PDGFC: variants seen among roughly 807,000 people sequenced by gnomAD.
PDGFC encodes the protein platelet derived growth factor C.
Under a neutral mutation model 35.5 loss-of-function variants are expected in PDGFC, and 12 were observed. The ratio of observed to expected loss-of-function variants is 0.34; its 90% CI spans 0.22 to 0.55. The LOEUF is 0.55. Among genes scored for constraint, PDGFC ranks in the 20% least tolerant of loss-of-function variants. PDGFC has a pLI of 0.91. For synonymous variants in PDGFC, 159 were observed against 148.8 expected (o/e 1.07, Z -0.50); for missense variants, 322 against 412.4 (o/e 0.78, Z 1.90).
intron 2 of PDGFC, among the ~76,000 whole-genome samples, chr4:156,820,288 G>A (rs1480729437): frequency 6.6e-6 from 1 of 152,120 alleles, no homozygotes; most frequent in East Asian, 1.9e-4. Flanking sequence ...TGGGTAAAAG[G>A]CTAGCAAATA....
intron 1 of PDGFC, among the ~76,000 whole-genome samples, chr4:156,898,008 C>T (rs545355317): frequency 1.1e-3 from 166 of 152,298 alleles, no homozygotes; most frequent in Admixed American, 1.2e-3. Context: ...AGGCAGAATT[C>T]TATAGACTGA....
chr4:156,882,853 G>A (rs1730276023), intron 1 of PDGFC, among the ~76,000 whole-genome samples: 1 of 152,092 alleles, frequency 6.6e-6, no homozygotes, highest in Non-Finnish European at 1.5e-5. Flanking sequence ...GGGAGGCCAA[G>A]GCAGGCAGAT....
At chr4:156,904,103 C>A (rs1368446954) in intron 1 of PDGFC, among the ~76,000 whole-genome samples, 1 of 152,042 alleles carries the variant, frequency 6.6e-6, no homozygotes, top group Admixed American at 6.6e-5. Flanking sequence ...TTACAGCATA[C>A]AATTTACAGA....
intron 3 of PDGFC, among the ~76,000 whole-genome samples, chr4:156,794,797 A>C (rs1342422724): frequency 6.6e-6 from 1 of 152,136 alleles, no homozygotes; most frequent in Non-Finnish European, 1.5e-5. Flanking sequence ...AATATATTAA[A>C]TATCAACATT....
At chr4:156,792,882 G>T (rs1390604731) in intron 3 of PDGFC, among the ~76,000 whole-genome samples, 1 of 152,044 alleles carries the variant, frequency 6.6e-6, no homozygotes, top group Non-Finnish European at 1.5e-5. Context: ...AGGGTATGAA[G>T]GAAACCCTCA....
chr4:156,962,874 T>C (rs545038915), intron 1 of PDGFC, among the ~76,000 whole-genome samples: 1 of 152,224 alleles, frequency 6.6e-6, no homozygotes, highest in Non-Finnish European at 1.5e-5. Flanking sequence ...TATTAAGCAA[T>C]GCAAAACTAG....
rs1472223446 is a variant in PDGFC, at chr4:156,891,605, G to A, written c.119-41189C>T. On this transcript the variant is annotated intron_variant, in intron 1 of 5. Transcript: ENST00000502773. ...TCCTGAAAGTCTTAGGAAGTGCTTTGAGAAACAGTGTTTTCCACCTTGCCA... is the reference window on the plus strand; with the variant it reads ...TCCTGAAAGTCTTAGGAAGTGCTTTAAGAAACAGTGTTTTCCACCTTGCCA... 9.2e-5 allele frequency among the ~76,000 whole-genome samples: 14 copies of A among 152,134 alleles called. 1 individual carries two copies. The highest frequency in any genetic ancestry group is 2.9e-5 in the Non-Finnish European group (2 of 68,022).
chr4:156,782,361 C>T (rs1731004493), intron 3 of PDGFC, among the ~76,000 whole-genome samples: 1 of 152,136 alleles, frequency 6.6e-6, no homozygotes. Flanking sequence ...AGGATTTCAA[C>T]TCTGAGGCCC....
At chr4:156,851,613 T>C (rs753742211) in intron 1 of PDGFC, among the ~76,000 whole-genome samples, 2 of 151,784 alleles carry the variant, frequency 1.3e-5, no homozygotes, top group Non-Finnish European at 2.9e-5. Context: ...CTCCAAAAAA[T>C]GTAAGAACTA....
At chr4:156,806,568 C>T (rs1731776159) in intron 3 of PDGFC, among the ~76,000 whole-genome samples, 1 of 151,660 alleles carries the variant, frequency 6.6e-6, no homozygotes, top group Non-Finnish European at 1.5e-5. Context: ...TAGCACTGTA[C>T]TCAAGAAGAA....
At chr4:156,959,986 T>A (rs1328822201) in intron 1 of PDGFC, among the ~76,000 whole-genome samples, 1 of 151,932 alleles carries the variant, frequency 6.6e-6, no homozygotes, top group Non-Finnish European at 1.5e-5. Flanking sequence ...GATGACTTAA[T>A]CACTAATTTT....
intron 1 of PDGFC, among the ~76,000 whole-genome samples, chr4:156,892,546 T>C (rs1730539330): frequency 6.6e-6 from 1 of 152,138 alleles, no homozygotes; most frequent in African/African-American, 2.4e-5. Context: ...TCCTAATCTT[T>C]GATGAATGGT....
chr4:156,848,935 G>A (rs944557479), intron 2 of PDGFC, among the ~76,000 whole-genome samples: 2 of 151,960 alleles, frequency 1.3e-5, no homozygotes, highest in Non-Finnish European at 2.9e-5. Context: ...TTGTAATGAA[G>A]TCCTTTGTCT....
intron 3 of PDGFC, among the ~76,000 whole-genome samples, chr4:156,783,880 A>G (rs2110856135): frequency 6.6e-6 from 1 of 152,342 alleles, no homozygotes; most frequent in Non-Finnish European, 1.5e-5. Flanking sequence ...TGACCATGGT[A>G]GAACCAACAG....
chr4:156,949,263 AAC>A (rs1732022055), intron 1 of PDGFC, among the ~76,000 whole-genome samples: 1 of 151,990 alleles, frequency 6.6e-6, no homozygotes, highest in Non-Finnish European at 1.5e-5. Context: ...TATTCTGAAT[AAC>A]AGAGAGAAGT....
At chr4:156,897,350 A>ATGTGTGTG (rs70956698) in intron 1 of PDGFC, among the ~76,000 whole-genome samples, 9,465 of 142,980 alleles carry the variant, frequency 0.066, 348 homozygotes, top group Admixed American at 0.075. Context: ...GTGAGAGTGT[A>ATGTGTGTG]TGTGTGTGTG....
chr4:156,761,415 T>C lies in PDGFC; in HGVS notation c.*1675A>G, dbSNP rs1247059490. On this transcript the variant is annotated 3_prime_UTR_variant, in exon 6 of 6. Transcript: ENST00000502773. ...GGTGAAACTTAAATTACCAGAAATC[T>C]GTATTAAGACCAGTAAGAAAAATAA... The C allele has an allele frequency of 6.6e-6, 1 of 152,190 alleles. No homozygotes were observed. Among genetic ancestry groups the C allele is most frequent in the African/African-American group, 2.4e-5 (1 of 41,440 alleles). The allele number at this position is 152,190 out of a possible 1,614,324, so 9.4% of individuals were successfully genotyped here. A position where few individuals can be genotyped will look rare whatever the true frequency, so the allele number is the denominator to read the frequency against.
At chr4:156,829,243 G>T (rs1388651665) in intron 2 of PDGFC, among the ~76,000 whole-genome samples, 1 of 152,144 alleles carries the variant, frequency 6.6e-6, no homozygotes, top group Non-Finnish European at 1.5e-5. Context: ...GAAATGGATT[G>T]TTGAACGAGG....
chr4:156,971,419 C>A lies in PDGFC; in HGVS notation c.-516G>T. On this transcript the variant is annotated 5_prime_UTR_variant, in exon 1 of 6. Transcript: ENST00000502773. ...CGCCCCTCTCCCCCGCCCCACCCCC[C>A]ACCCCCGAAGGGGGAGGGGGAAGAA... is the stretch of plus-strand genomic sequence containing the variant. The A allele has an allele frequency of 5.2e-6, 2 of 386,746 alleles. No individual in the cohort carries two copies. The highest frequency in any genetic ancestry group is 1.3e-4 in the South Asian group (1 of 7,588). The allele number at this position is 386,746 out of a possible 1,614,324, so 24.0% of individuals were successfully genotyped here. A position where few individuals can be genotyped will look rare whatever the true frequency, so the allele number is the denominator to read the frequency against.
Sources: gnomAD v4.1 joint callset for allele counts (sites outside exome capture counted in the v4.1 genomes callset) on GRCh38, gnomAD v4.1.1 for gene constraint, MANE v1.5 for transcripts, NCBI Gene and HGNC (gene_info 2026-07-23, HGNC 2026-07-21) for gene names.